Variants in HNRNPH1 observed in about 807,000 individuals in gnomAD.
HNRNPH1 encodes the protein heterogeneous nuclear ribonucleoprotein H.
A neutral mutation model predicts 58.6 loss-of-function variants in HNRNPH1; 4 were observed. The observed-to-expected ratio is 0.07, with a 90% confidence interval of 0.03 to 0.16. The LOEUF (loss-of-function observed/expected upper bound fraction) is 0.16. HNRNPH1 is among the 10% of genes least tolerant of loss of function. HNRNPH1 has a pLI of 1.00. For missense variants in HNRNPH1, 271 were observed against 564.2 expected (o/e 0.48, Z 5.26); for synonymous variants, 192 against 189.2 (o/e 1.01, Z -0.12).
chr5:179,620,084 A>G (rs1041622458), intron 3 of HNRNPH1: 1 of 152,238 alleles, frequency 6.6e-6, no homozygotes, highest in African/African-American at 2.4e-5. Context: ...ACAGCATTCA[A>G]TTCTCACCAA....
At chr5:179,629,057 G>A (rs1355407733), upstream of HNRNPH1, 3 of 150,020 alleles carry the variant, frequency 2.0e-5, no homozygotes, top group African/African-American at 4.9e-5. Flanking sequence ...CAGCACTTTG[G>A]GAGGCCGAGG....
chr5:179,619,128 T>G (rs1174627676), intron 4 of HNRNPH1, 141 bp downstream of exon 5: 2 of 732,950 alleles, frequency 2.7e-6, no homozygotes, highest in East Asian at 2.8e-5. Flanking sequence ...AACGTGGGAC[T>G]GACACAAGTT....
chr5:179,619,200 C>G, intron 4 of HNRNPH1, 69 bp downstream of exon 5: 1 of 1,303,664 alleles, frequency 7.7e-7, no homozygotes, highest in Non-Finnish European at 1.1e-6. Flanking sequence ...TTCTTTTAAG[C>G]AGAGAGAATA....
upstream of HNRNPH1, among the ~76,000 whole-genome samples, chr5:179,625,077 GTGAGGGGGA>G (rs1774237564): frequency 6.6e-6 from 1 of 152,210 alleles, no homozygotes; most frequent in African/African-American, 2.4e-5. Context: ...CTTGCTGGAT[GTGAGGGGGA>G]TGCAGATGGA....
At chr5:179,623,157 G>C in exon 1 of HNRNPH1, 1 of 1,543,262 alleles carries the variant, frequency 6.5e-7, no homozygotes, top group Non-Finnish European at 8.9e-7. Context: ...GTCCGGCGTC[G>C]AAACAAACTG....
upstream of HNRNPH1, among the ~76,000 whole-genome samples, chr5:179,626,906 G>C (rs1774452447): frequency 6.7e-6 from 1 of 148,748 alleles, no homozygotes; most frequent in Non-Finnish European, 1.5e-5. Context: ...CTCCCGAGTA[G>C]AGTAGCTGGG....
exon 9 of HNRNPH1, chr5:179,617,077 G>A (rs369924662): frequency 1.9e-6 from 3 of 1,614,010 alleles, no homozygotes; most frequent in African/African-American, 1.3e-5. Flanking sequence ...TGCTCCTGCT[G>A]TAGAATTCAA....
At position 179,620,336 on chromosome 5, in the gene HNRNPH1, C is replaced by CA. The variant is rs370685360; in HGVS notation, c.397+555dup. On this transcript the variant is annotated intron_variant, in intron 3 of 12. Coordinates refer to ENST00000356731, the Ensembl canonical transcript of HNRNPH1. ...TTTAGGCCCAGGAACAATTTCAAAA[C>CA]ACTTATTTCAGATACTGAGACTACA... 2.8e-3 allele frequency among the ~76,000 whole-genome samples: 429 copies of CA among 152,316 alleles called. 6 individuals carry two copies. Among genetic ancestry groups the CA allele is most frequent in the African/African-American group, 9.8e-3 (407 of 41,566 alleles).
At position 179,615,657 on chromosome 5, in the gene HNRNPH1, GAA is replaced by G; in HGVS notation, c.1301-64_1301-63del. 8.3e-6 allele frequency: 7 copies of G among 839,844 alleles called. No individual in the cohort carries two copies. The South Asian group carries it at 9.6e-5, about 11-fold the overall frequency. 52.0% of individuals were successfully genotyped at this position (839,844 alleles called of 1,614,324 possible). A position where few individuals can be genotyped will look rare whatever the true frequency, so the allele number is the denominator to read the frequency against. On this transcript the variant is annotated intron_variant, in intron 11 of 12. Transcript: ENST00000356731. The stretch of plus-strand genomic sequence containing the variant: ...AAAATCACCATTCTTTAGACCAATT[GAA>G]AAAAAATAAATAAAACCAATCCTAG...
intron 2 of HNRNPH1, among the ~76,000 whole-genome samples, chr5:179,630,407 T>C (rs2127739962): frequency 6.6e-6 from 1 of 152,216 alleles, no homozygotes; most frequent in African/African-American, 2.4e-5. Context: ...AGATGATCCA[T>C]AGGCTTGAGA....
rs568411815 is a variant in HNRNPH1 at position 179,617,249 on chromosome 5, G to C, written c.1058-139C>G. 8 of 859,358 alleles carry C rather than the reference G, an allele frequency of 9.3e-6. No homozygotes were observed. In the East Asian group the frequency reaches 1.3e-4, roughly 14 times the overall value. The allele number at this position is 859,358 out of a possible 1,614,324, so 53.2% of individuals were successfully genotyped here. On this transcript the variant is annotated intron_variant, in intron 8 of 12. Transcript: ENST00000356731. ...GAAATTCTAGCTACTTCTCTTAGGT[G>C]ATCTACTTTAACTCCAAAATCTAGC...
rs75597542 is a variant in HNRNPH1, at chr5:179,616,196, G to A, written c.1230C>T (p.Gly410=). ...CCCCACTCAGCTGCTGGCTGGCTGG[G>A]CCCCCGTAGCTGGACTGGTTTGCTG... is the stretch of plus-strand genomic sequence containing the variant. The change falls in exon 11 of 13, where the codon GGC becomes GGT. Residue 410 remains glycine (G), a synonymous_variant. Coordinates refer to ENST00000356731, the Ensembl canonical transcript of HNRNPH1. 6.4e-4 allele frequency: 1,039 copies of A among 1,614,102 alleles called. 14 individuals carry two copies. In the East Asian group the frequency reaches 0.02, roughly 32 times the overall value.
Position 179,617,097 on chromosome 5 carries a change from T to TA in HNRNPH1, c.1070dup (p.Glu358ArgfsTer37). ...CTGCTGTAGAATTCAAGAAGAGTTC[T>TA]ACATATCTGTGTTCTGAAATGAGAA... On this transcript the variant is annotated frameshift_variant, in exon 9 of 13. Transcript: ENST00000356731. LOFTEE classifies it high-confidence loss of function. The TA allele has an allele frequency of 6.2e-7, 1 of 1,614,126 alleles. No homozygotes were observed. Among genetic ancestry groups the TA allele is most frequent in the Non-Finnish European group, 8.5e-7 (1 of 1,179,998 alleles).
chr5:179,618,302 G>A, exon 5 of HNRNPH1: 1 of 1,610,958 alleles, frequency 6.2e-7, no homozygotes, highest in Non-Finnish European at 8.5e-7. Flanking sequence ...CAGCTCTACT[G>A]CTCTTAAAGA....
chr5:179,625,932 ATTATTTATTTAT>A (rs71591435), upstream of HNRNPH1, among the ~76,000 whole-genome samples: 996 of 144,242 alleles, frequency 6.9e-3, 4 homozygotes, highest in African/African-American at 8.1e-3. Context: ...CCTTGCTCAG[ATTATTTATTTAT>A]TTATTTATTT....
At chr5:179,628,914 G>A (rs1774587336), upstream of HNRNPH1, among the ~76,000 whole-genome samples, 1 of 152,182 alleles carries the variant, frequency 6.6e-6, no homozygotes, top group East Asian at 1.9e-4. Context: ...CCCAGAGACA[G>A]AGGTTGCAGT....
intron 2 of HNRNPH1, among the ~76,000 whole-genome samples, chr5:179,633,328 CTT>C (rs1238451410): frequency 6.6e-6 from 1 of 150,736 alleles, no homozygotes; most frequent in Non-Finnish European, 1.5e-5. Flanking sequence ...GACAGTCTCA[CTT>C]TATCGCCCAG....
chr5:179,632,641 G>T (rs1476679867), intron 2 of HNRNPH1, among the ~76,000 whole-genome samples: 5 of 152,258 alleles, frequency 3.3e-5, no homozygotes, highest in Non-Finnish European at 7.3e-5. Context: ...TCCGGTTCAC[G>T]CTGCGCGCCT....
upstream of HNRNPH1, among the ~76,000 whole-genome samples, chr5:179,624,915 T>C (rs1272584579): frequency 6.6e-6 from 1 of 151,956 alleles, no homozygotes; most frequent in Non-Finnish European, 1.5e-5. Flanking sequence ...TGAGAAAAAG[T>C]AGAGAGGACA....
Sources: gnomAD v4.1 joint callset for allele counts (sites outside exome capture counted in the v4.1 genomes callset) on GRCh38, gnomAD v4.1.1 for gene constraint, MANE v1.5 for transcripts, NCBI Gene and HGNC (gene_info 2026-07-23, HGNC 2026-07-21) for gene names.